IQGAP2: variants seen among roughly 807,000 people sequenced by gnomAD.
The protein encoded by IQGAP2 is ras GTPase-activating-like protein IQGAP2.
In IQGAP2, 173 loss-of-function variants were observed where a neutral mutation model predicts 201.3. The observed-to-expected ratio is 0.86, with a 90% CI of 0.76 to 0.98. IQGAP2 has a LOEUF of 0.98. Among genes scored for constraint, IQGAP2 ranks in the 50% least tolerant of loss-of-function variants. IQGAP2 has a pLI of 0.00. For missense variants in IQGAP2, 1,687 were observed against 1,864.8 expected (o/e 0.90, Z 1.76); for synonymous variants, 675 against 673.9 (o/e 1.00, Z -0.03).
chr5:76,410,007 C>T (rs923805841), intron 1 of IQGAP2, among the ~76,000 whole-genome samples: 1 of 152,182 alleles, frequency 6.6e-6, no homozygotes. Context: ...TGGTTCCTGG[C>T]ACATAGTGCT....
At chr5:76,615,817 T>C (rs907892648) in intron 13 of IQGAP2, 7 of 152,576 alleles carry the variant, frequency 4.6e-5, no homozygotes, top group African/African-American at 1.7e-4. Flanking sequence ...AAAAAAATAG[T>C]GGAGGCATTA....
chr5:76,688,590 G>A (rs958865397), intron 30 of IQGAP2, among the ~76,000 whole-genome samples: 1 of 152,156 alleles, frequency 6.6e-6, no homozygotes, highest in East Asian at 1.9e-4. Context: ...CAAAGGAAAT[G>A]CTCTTTGGAG....
At chr5:76,623,481 G>A (rs567954298) in intron 13 of IQGAP2, 1 of 490,474 alleles carries the variant, frequency 2.0e-6, no homozygotes, top group Non-Finnish European at 3.6e-6. Context: ...CTGGAGAAAG[G>A]CATTTAACTC....
chr5:76,635,773 G>A (rs969417972), intron 15 of IQGAP2, among the ~76,000 whole-genome samples: 2 of 109,968 alleles, frequency 1.8e-5, no homozygotes, highest in East Asian at 4.8e-4. Flanking sequence ...AGGCTGCAGT[G>A]AGCCTTGGTC....
At chr5:76,555,370 A>G (rs1282354644) in intron 2 of IQGAP2, among the ~76,000 whole-genome samples, 1 of 152,226 alleles carries the variant, frequency 6.6e-6, no homozygotes, top group Admixed American at 6.5e-5. Context: ...GAATTCCGTT[A>G]TAATTTCAGA....
chr5:76,687,234 T>G (rs1745859389), intron 30 of IQGAP2, among the ~76,000 whole-genome samples: 1 of 152,252 alleles, frequency 6.6e-6, no homozygotes, highest in Non-Finnish European at 1.5e-5. Flanking sequence ...GAGATCTTAC[T>G]GTTGGCCGAC....
At chr5:76,489,377 C>CT (rs2150153747) in intron 2 of IQGAP2, among the ~76,000 whole-genome samples, 1 of 152,294 alleles carries the variant, frequency 6.6e-6, no homozygotes, top group African/African-American at 2.4e-5. Context: ...AGGAAAATAT[C>CT]TTTTTCCAGT....
intron 2 of IQGAP2, among the ~76,000 whole-genome samples, chr5:76,516,124 C>T (rs1249733530): frequency 6.6e-6 from 1 of 152,048 alleles, no homozygotes; most frequent in Non-Finnish European, 1.5e-5. Context: ...ATCCTCCCGC[C>T]TCAGCCTCCC....
intron 2 of IQGAP2, among the ~76,000 whole-genome samples, chr5:76,547,079 T>G (rs1397412749): frequency 6.6e-6 from 1 of 152,184 alleles, no homozygotes; most frequent in Non-Finnish European, 1.5e-5. Flanking sequence ...AAATATGGTA[T>G]TAAGATGACA....
chr5:76,652,199 C>T (rs552771168), intron 17 of IQGAP2, among the ~76,000 whole-genome samples: 1 of 152,124 alleles, frequency 6.6e-6, no homozygotes, highest in Non-Finnish European at 1.5e-5. Flanking sequence ...GTTGATGAAG[C>T]ATTGTTTAAC....
At chr5:76,528,605 A>C (rs985774662) in intron 2 of IQGAP2, among the ~76,000 whole-genome samples, 48 of 152,316 alleles carry the variant, frequency 3.2e-4, no homozygotes, top group African/African-American at 1.1e-3. Flanking sequence ...AAGGGAGTGA[A>C]TGCCAATTCA....
chr5:76,520,557 G>A (rs182929486), intron 2 of IQGAP2, among the ~76,000 whole-genome samples: 54 of 152,234 alleles, frequency 3.5e-4, no homozygotes, highest in Admixed American at 1.0e-3. Context: ...CCATTTTCAT[G>A]TATAAAGTTT....
At chr5:76,595,276 A>C (rs1580548786) in intron 9 of IQGAP2, among the ~76,000 whole-genome samples, 1 of 69,608 alleles carries the variant, frequency 1.4e-5, no homozygotes, top group African/African-American at 6.0e-5. Flanking sequence ...TTTTTTCCGG[A>C]CAGGGTCTTA....
At chr5:76,434,459 C>G (rs1329456039) in intron 1 of IQGAP2, among the ~76,000 whole-genome samples, 1 of 152,134 alleles carries the variant, frequency 6.6e-6, no homozygotes, top group East Asian at 1.9e-4. Context: ...ATTTTCCATT[C>G]CTGAGTTACT....
chr5:76,510,417 C>A lies in IQGAP2; in HGVS notation c.146+48748C>A, dbSNP rs530835607. On this transcript the variant is annotated intron_variant, in intron 2 of 35. Transcript: ENST00000274364. ...CTTGGGGGATGCAGTGATGACGGTG[C>A]AGGGCCCATACAGGCAGGGGTGGCG... is the stretch of plus-strand genomic sequence containing the variant. The A allele has an allele frequency of 1.3e-3, 351 of 271,526 alleles. 1 individual carries two copies. The highest frequency in any genetic ancestry group is 2.7e-3 in the Middle Eastern group (2 of 728). The allele number at this position is 271,526 out of a possible 1,614,324, so 16.8% of individuals were successfully genotyped here.
At chr5:76,550,354 T>TC (rs1743368294) in intron 2 of IQGAP2, among the ~76,000 whole-genome samples, 1 of 151,700 alleles carries the variant, frequency 6.6e-6, no homozygotes, top group Non-Finnish European at 1.5e-5. Context: ...GAATTTTTTT[T>TC]TTTTTTTTTT....
intron 1 of IQGAP2, among the ~76,000 whole-genome samples, chr5:76,410,006 G>A (rs1751023654): frequency 6.6e-6 from 1 of 152,176 alleles, no homozygotes; most frequent in African/African-American, 2.4e-5. Flanking sequence ...GTGGTTCCTG[G>A]CACATAGTGC....
rs779349336 is a variant in IQGAP2, at chr5:76,671,990, G to T, written c.3068+7G>T. On this transcript the variant is annotated splice_region_variant and intron_variant, in intron 24 of 35. Transcript: ENST00000274364. The stretch of plus-strand genomic sequence containing the variant: ...CACAGACTGGAGAGGCCAGGTAATA[G>T]AATCAGGAAGGTGTTGGTCTTCTGT... The T allele has an allele frequency of 1.2e-5, 19 of 1,585,750 alleles. No homozygotes were observed. The highest frequency in any genetic ancestry group is 1.6e-5 in the Non-Finnish European group (18 of 1,155,390).
intron 2 of IQGAP2, among the ~76,000 whole-genome samples, chr5:76,491,401 G>C (rs1050613055): frequency 8.5e-5 from 13 of 152,070 alleles, no homozygotes; most frequent in Admixed American, 4.6e-4. Flanking sequence ...AATAGAATTG[G>C]TAACAGTGTT....
Sources: allele counts gnomAD v4.1 joint callset (sites outside exome capture counted in the v4.1 genomes callset), GRCh38; gene constraint gnomAD v4.1.1; transcripts MANE v1.5; gene names NCBI Gene and HGNC (gene_info 2026-07-23, HGNC 2026-07-21).